PTPRT: variants seen among roughly 807,000 people sequenced by gnomAD.
PTPRT encodes the protein protein tyrosine phosphatase receptor type T.
In PTPRT, 56 loss-of-function variants were observed where a neutral mutation model predicts 176.8. The observed-to-expected ratio is 0.32, with a 90% CI of 0.26 to 0.40. The LOEUF is 0.40. PTPRT is among the 10% of genes least tolerant of loss of function. The pLI is 1.00. For missense variants in PTPRT, 1,540 were observed against 1,908.2 expected (o/e 0.81, Z 3.60); for synonymous variants, 783 against 739.0 (o/e 1.06, Z -0.96).
chr20:42,360,330 C>A (rs1446597831), intron 9 of PTPRT, among the ~76,000 whole-genome samples: 1 of 152,148 alleles, frequency 6.6e-6, no homozygotes, highest in Non-Finnish European at 1.5e-5. Context: ...CCCTCCCCTG[C>A]CTCACATGAG....
chr20:42,091,968 A>G (rs535850884), intron 27 of PTPRT, among the ~76,000 whole-genome samples: 75 of 152,230 alleles, frequency 4.9e-4, no homozygotes, highest in Non-Finnish European at 7.8e-4. Context: ...TTAGGAACTT[A>G]CCTACAGAAG....
intron 12 of PTPRT, among the ~76,000 whole-genome samples, chr20:42,302,566 G>T (rs2057485633): frequency 6.6e-6 from 1 of 152,126 alleles, no homozygotes; most frequent in Non-Finnish European, 1.5e-5. Flanking sequence ...CTACCTCCAG[G>T]TTTATAGCTG....
At chr20:42,433,824 C>T (rs549965506) in intron 9 of PTPRT, among the ~76,000 whole-genome samples, 1 of 152,188 alleles carries the variant, frequency 6.6e-6, no homozygotes, top group South Asian at 2.1e-4. Context: ...CTGCCTGCTA[C>T]TGAAAAATCT....
At chr20:42,330,672 C>A (rs1287262188) in intron 11 of PTPRT, among the ~76,000 whole-genome samples, 1 of 152,012 alleles carries the variant, frequency 6.6e-6, no homozygotes, top group Middle Eastern at 3.2e-3. Flanking sequence ...ATGATCACGC[C>A]ACTGCTCTCC....
the PTPRT span, among the ~76,000 whole-genome samples, chr20:42,057,767 T>G: frequency 6.6e-6 from 1 of 152,058 alleles, no homozygotes; most frequent in South Asian, 2.1e-4. Context: ...TCTGTAGAGA[T>G]TGGGTCTTGC....
At chr20:42,216,500 T>C (rs187334065) in intron 15 of PTPRT, among the ~76,000 whole-genome samples, 109 of 152,366 alleles carry the variant, frequency 7.2e-4, no homozygotes, top group African/African-American at 2.5e-3. Context: ...GGGTAGGCCT[T>C]GCTTCTGTTT....
At chr20:42,336,432 A>AG (rs943097172) in intron 11 of PTPRT, among the ~76,000 whole-genome samples, 17 of 151,846 alleles carry the variant, frequency 1.1e-4, no homozygotes, top group African/African-American at 3.4e-4. Flanking sequence ...GGACTGGGGG[A>AG]GGGGGGGTTG....
chr20:42,781,321 C>T (rs113128490), intron 3 of PTPRT, among the ~76,000 whole-genome samples: 59 of 152,166 alleles, frequency 3.9e-4, no homozygotes, highest in African/African-American at 1.2e-3. Context: ...ACACAACTGC[C>T]GCCCTTTCAA....
chr20:42,571,806 C>T (rs927003153), intron 7 of PTPRT, among the ~76,000 whole-genome samples: 6 of 152,128 alleles, frequency 3.9e-5, no homozygotes, highest in African/African-American at 9.7e-5. Context: ...GTTTCCCACA[C>T]CCTTGTCCAA....
chr20:43,010,810 T>G (rs990884460), intron 1 of PTPRT, among the ~76,000 whole-genome samples: 1 of 151,992 alleles, frequency 6.6e-6, no homozygotes, highest in Admixed American at 6.5e-5. Context: ...TCTTCACGTA[T>G]CAAGGACAGT....
chr20:42,344,718 G>A (rs886173250), intron 11 of PTPRT, among the ~76,000 whole-genome samples: 5 of 152,092 alleles, frequency 3.3e-5, no homozygotes, highest in Non-Finnish European at 7.4e-5. Flanking sequence ...AAACAGTTGG[G>A]CACTCACCTT....
chr20:42,838,288 G>T (rs568401498), intron 2 of PTPRT, among the ~76,000 whole-genome samples: 42 of 152,310 alleles, frequency 2.8e-4, no homozygotes, highest in African/African-American at 9.9e-4. Flanking sequence ...AAAGTGTTGG[G>T]ATTACAGATG....
chr20:42,781,008 C>T (rs940815470), intron 3 of PTPRT, among the ~76,000 whole-genome samples: 1 of 152,060 alleles, frequency 6.6e-6, no homozygotes, highest in Non-Finnish European at 1.5e-5. Context: ...CCACTTTAGC[C>T]CCACTTTCAC....
intron 1 of PTPRT, among the ~76,000 whole-genome samples, chr20:43,033,348 C>T (rs760984732): frequency 1.1e-4 from 16 of 152,130 alleles, no homozygotes; most frequent in Non-Finnish European, 1.8e-4. Context: ...TTGCACCTGC[C>T]CACCTCCTGT....
intron 6 of PTPRT, among the ~76,000 whole-genome samples, chr20:42,691,404 C>G (rs1011527790): frequency 6.6e-6 from 1 of 152,190 alleles, no homozygotes; most frequent in Non-Finnish European, 1.5e-5. Context: ...GCAAATTCTT[C>G]TCCTTGGCCT....
intron 1 of PTPRT, among the ~76,000 whole-genome samples, chr20:43,083,187 C>T (rs1205372968): frequency 6.6e-6 from 1 of 150,966 alleles, no homozygotes; most frequent in Non-Finnish European, 1.5e-5. Context: ...AACAAATTAT[C>T]CTTCTCATTT....
intron 7 of PTPRT, among the ~76,000 whole-genome samples, chr20:42,594,368 G>C (rs183729984): frequency 6.6e-6 from 1 of 152,174 alleles, no homozygotes; most frequent in East Asian, 1.9e-4. Flanking sequence ...ACAGACTACA[G>C]GCATTAATAT....
chr20:42,147,370 A>G (rs1988916493), intron 17 of PTPRT, among the ~76,000 whole-genome samples: 1 of 152,168 alleles, frequency 6.6e-6, no homozygotes, highest in Non-Finnish European at 1.5e-5. Flanking sequence ...CATAGCATCT[A>G]TCACTTGGAT....
At chr20:42,814,403 G>A (rs1179307351) in intron 2 of PTPRT, among the ~76,000 whole-genome samples, 1 of 152,080 alleles carries the variant, frequency 6.6e-6, no homozygotes, top group African/African-American at 2.4e-5. Flanking sequence ...TTATAATACT[G>A]AACTCATGAA....
Sources: gnomAD v4.1 joint callset for allele counts (sites outside exome capture counted in the v4.1 genomes callset) on GRCh38, gnomAD v4.1.1 for gene constraint, MANE v1.5 for transcripts, NCBI Gene and HGNC (gene_info 2026-07-23, HGNC 2026-07-21) for gene names.